The following C16orf96 variants were observed in gnomAD, a reference collection of about 807,000 sequenced individuals.
The protein encoded by C16orf96 is chromosome 16 open reading frame 96.
In C16orf96, 108 loss-of-function variants were observed where a neutral mutation model predicts 103.6. The observed-to-expected ratio is 1.04, with a 90% CI of 0.89 to 1.22. The LOEUF (loss-of-function observed/expected upper bound fraction) is 1.22. Among genes scored for constraint, C16orf96 ranks in the 50% most tolerant of loss-of-function variants. C16orf96 has a pLI of 0.00. For missense variants in C16orf96, 1,586 were observed against 1,464.2 expected, an observed-to-expected ratio of 1.08 and a Z score of -1.36; for synonymous variants, 566 against 593.5, an observed-to-expected ratio of 0.95 and a Z score of 0.67.
chr16:4,598,935 T>C (rs1897229372), intron 14 of C16orf96, among the ~76,000 whole-genome samples: 1 of 151,720 alleles, frequency 6.6e-6, no homozygotes, highest in South Asian at 2.1e-4. Flanking sequence ...CTGAGCAACA[T>C]AGCGAGACCT....
intron 7 of C16orf96, among the ~76,000 whole-genome samples, chr16:4,582,712 T>C (rs1484197622): frequency 2.0e-5 from 3 of 152,110 alleles, no homozygotes; most frequent in Non-Finnish European, 4.4e-5. Context: ...CTTGGTGCCC[T>C]TTCTCCATGG....
In C16orf96 at chr16:4,594,362, G is replaced by A; in HGVS notation, c.2879G>A (p.Trp960Ter). The A allele has an allele frequency of 6.4e-7, 1 of 1,550,950 alleles. No individual in the cohort carries two copies. Among genetic ancestry groups the A allele is most frequent in the African/African-American group, 1.4e-5 (1 of 73,054 alleles). The change falls in exon 13 of 16, where the codon TGG becomes TAG. Residue 960 changes from tryptophan to a stop codon, truncating the protein, a stop_gained. Transcript: ENST00000444310. LOFTEE classifies it high-confidence loss of function. ...CTGCCCTGCTGCAGGGAACAGCAGT[G>A]GCTGCAGCTCCAGGACCTCGGTATC... ...LQRQQMREQQ[W>*]LQLQDLGIQE...
chr16:4,585,552 C>T (rs905707140), intron 7 of C16orf96, among the ~76,000 whole-genome samples: 1 of 152,274 alleles, frequency 6.6e-6, no homozygotes, highest in African/African-American at 2.4e-5. Context: ...TGGGAGGGGG[C>T]CTGGAGTGGC....
At chr16:4,580,804 A>G (rs1183425819) in intron 7 of C16orf96, among the ~76,000 whole-genome samples, 2 of 151,908 alleles carry the variant, frequency 1.3e-5, no homozygotes, top group East Asian at 1.9e-4. Flanking sequence ...CCTGGCCAAC[A>G]TGGTGAAACC....
At chr16:4,580,654 C>A (rs2059573809) in intron 7 of C16orf96, among the ~76,000 whole-genome samples, 1 of 151,402 alleles carries the variant, frequency 6.6e-6, no homozygotes, top group South Asian at 2.1e-4. Flanking sequence ...TGAGACAAGC[C>A]AGGGTAACAC....
chr16:4,547,579 TTCTCC>T, the C16orf96 span, among the ~76,000 whole-genome samples: 219 of 151,672 alleles, frequency 1.4e-3, 1 homozygote, highest in Non-Finnish European at 1.9e-3. Context: ...GGTACAGGTT[TTCTCC>T]TCTCCTCTCC....
Position 4,591,615 on chromosome 16 carries a change from G to C in C16orf96, c.2593-51G>C, listed in dbSNP as rs1203026702. The C allele has an allele frequency of 4.9e-6, 7 of 1,419,288 alleles. No individual in the cohort carries two copies. In the African/African-American group the frequency reaches 8.5e-5, roughly 17 times the overall value. 87.9% of individuals were successfully genotyped at this position (1,419,288 alleles called of 1,614,324 possible). ...GCAACCCTCTTCTGGAAGGAGGCAG[G>C]GTGTGAATTCATAGAGTATTCTTTC... On this transcript the variant is annotated intron_variant, in intron 9 of 15. Transcript: ENST00000444310.
chr16:4,549,529 C>T, the C16orf96 span, among the ~76,000 whole-genome samples: 2 of 150,956 alleles, frequency 1.3e-5, no homozygotes, highest in Non-Finnish European at 2.9e-5. Flanking sequence ...GTGGCTCACA[C>T]CCGTAATCCT....
intron 5 of C16orf96, among the ~76,000 whole-genome samples, chr16:4,577,537 G>C (rs2059527227): frequency 6.6e-6 from 1 of 152,028 alleles, no homozygotes; most frequent in South Asian, 2.1e-4. Flanking sequence ...TGTAGTCCCA[G>C]CTACTCAGGA....
the C16orf96 span, among the ~76,000 whole-genome samples, chr16:4,547,689 C>CTTTCTTTCTTTCT: frequency 1.0e-3 from 23 of 22,584 alleles, no homozygotes; most frequent in Non-Finnish European, 1.1e-3. Context: ...TCCTTCCTTC[C>CTTTCTTTCTTTCT]TTCTTTCTTT....
chr16:4,540,462 G>T, the C16orf96 span, among the ~76,000 whole-genome samples: 7 of 152,114 alleles, frequency 4.6e-5, no homozygotes, highest in African/African-American at 1.7e-4. Flanking sequence ...GCCAGGCGTG[G>T]TGGCTCATGC....
chr16:4,541,609 T>G, the C16orf96 span, among the ~76,000 whole-genome samples: 1 of 152,184 alleles, frequency 6.6e-6, no homozygotes, highest in African/African-American at 2.4e-5. Flanking sequence ...ACAAGTCTCC[T>G]TTTTGGTCTA....
At chr16:4,582,003 C>T (rs919064001) in intron 7 of C16orf96, among the ~76,000 whole-genome samples, 3 of 151,962 alleles carry the variant, frequency 2.0e-5, no homozygotes, top group Non-Finnish European at 4.4e-5. Flanking sequence ...CACTAACGGC[C>T]AGGCGCGGTG....
intron 6 of C16orf96, among the ~76,000 whole-genome samples, chr16:4,579,597 C>G (rs2059558015): frequency 2.3e-5 from 3 of 130,342 alleles, no homozygotes; most frequent in Non-Finnish European, 4.7e-5. Flanking sequence ...GTGGAAGGCA[C>G]CCTGGTCTGA....
At position 4,575,028 on chromosome 16, in the gene C16orf96, G is replaced by A; in HGVS notation, c.663G>A (p.Trp221Ter). The change falls in exon 4 of 16, where the codon TGG (tryptophan) becomes TGA (stop). Residue 221 changes from tryptophan (W) to a stop codon, truncating the protein, a stop_gained. Transcript: ENST00000444310. LOFTEE classifies it high-confidence loss of function. ...CCAAAACCGAGGACATGGTGCTCTG[G>A]AGTGGCCTTCATGATGCCATGTTCA... ...TIPKTEDMVL[W>*]SGLHDAMFTS... 6.4e-7 allele frequency: 1 copy of A among 1,551,518 alleles called. No individual in the cohort carries two copies. The highest frequency in any genetic ancestry group is 8.7e-7 in the Non-Finnish European group (1 of 1,147,014).
intron 1 of C16orf96, among the ~76,000 whole-genome samples, chr16:4,557,632 G>T (rs1246754812): frequency 1.3e-5 from 2 of 152,070 alleles, no homozygotes; most frequent in South Asian, 2.1e-4. Context: ...ACACTGAATT[G>T]TTCACTTAAA....
chr16:4,558,857 G>A (rs2059296745), intron 1 of C16orf96, among the ~76,000 whole-genome samples: 1 of 150,208 alleles, frequency 6.7e-6, no homozygotes, highest in South Asian at 2.1e-4. Flanking sequence ...GGAACTTGCA[G>A]TGAGCCGAGA....
At chr16:4,554,907 G>C (rs1012301202), upstream of C16orf96, among the ~76,000 whole-genome samples, 1 of 151,798 alleles carries the variant, frequency 6.6e-6, no homozygotes, top group Non-Finnish European at 1.5e-5. Context: ...GGGATTACAG[G>C]CGTGAGCCAC....
intron 2 of C16orf96, among the ~76,000 whole-genome samples, chr16:4,572,762 A>G (rs1397094135): frequency 6.6e-6 from 1 of 152,174 alleles, no homozygotes; most frequent in Non-Finnish European, 1.5e-5. Flanking sequence ...TGGAATAATC[A>G]TAATAGTGCA....
Sources: allele counts gnomAD v4.1 joint callset (sites outside exome capture counted in the v4.1 genomes callset), GRCh38; gene constraint gnomAD v4.1.1; transcripts MANE v1.5; gene names NCBI Gene and HGNC (gene_info 2026-07-23, HGNC 2026-07-21).